MAP3K15: variants seen among roughly 807,000 people sequenced by gnomAD.
MAP3K15 encodes the protein mitogen-activated protein kinase kinase kinase 15.
A neutral mutation model predicts 99.5 loss-of-function variants in MAP3K15; 124 were observed. The ratio of observed to expected loss-of-function variants is 1.25; its 90% CI spans 1.08 to 1.45. The LOEUF (loss-of-function observed/expected upper bound fraction) is 1.45, where lower values mean the gene tolerates loss of function less well. MAP3K15 is among the 40% of genes most tolerant of loss of function. The probability of loss-of-function intolerance (pLI) is 0.00; values close to 1 mark genes in which losing one functional copy is unlikely to be tolerated. For synonymous variants in MAP3K15, 494 were observed against 439.6 expected (o/e 1.12, Z -1.55); for missense variants, 1,242 against 1,079.7 (o/e 1.15, Z -2.11).
chrX:19,423,830 G>A (rs771481243), intron 9 of MAP3K15, among the ~76,000 whole-genome samples: 3 of 111,779 alleles, frequency 2.7e-5, no homozygotes, highest in Non-Finnish European at 5.6e-5. Context: ...GGGCCACACT[G>A]TATCAGTTCG....
chrX:19,415,718 T>TAA (rs758416992), intron 9 of MAP3K15, among the ~76,000 whole-genome samples: 68 of 103,855 alleles, frequency 6.5e-4, no homozygotes, highest in Non-Finnish European at 1.1e-3. Flanking sequence ...CCTAGAAATA[T>TAA]AAAAAAAAAA....
intron 3 of MAP3K15, among the ~76,000 whole-genome samples, chrX:19,475,351 A>C (rs1412561111): frequency 3.6e-5 from 4 of 111,286 alleles, no homozygotes; most frequent in African/African-American, 1.3e-4. Context: ...GAGCAGCTAT[A>C]AATACAGATG....
intron 18 of MAP3K15, among the ~76,000 whole-genome samples, chrX:19,384,788 T>G (rs1477477196): frequency 1.0e-5 from 1 of 99,416 alleles, no homozygotes; most frequent in South Asian, 4.7e-4. Flanking sequence ...AAACTGTACA[T>G]TTTAAAAAAC....
At chrX:19,513,421 G>A (rs1239005874) in intron 1 of MAP3K15, among the ~76,000 whole-genome samples, 2 of 112,131 alleles carry the variant, frequency 1.8e-5, no homozygotes, top group Non-Finnish European at 3.8e-5. Context: ...AGAAAACGGA[G>A]TGGTTCTAGG....
chrX:19,388,143 A>G (rs138597999), intron 18 of MAP3K15, among the ~76,000 whole-genome samples: 3,055 of 111,478 alleles, frequency 0.027, 115 homozygotes, highest in African/African-American at 0.096. Context: ...CAGAGCGTTG[A>G]TCAGTATCAG....
chrX:19,365,952 AGCCAAGAATGT>A (rs1341676716), intron 25 of MAP3K15, among the ~76,000 whole-genome samples: 1 of 99,265 alleles, frequency 1.0e-5, no homozygotes, highest in Non-Finnish European at 2.0e-5. Flanking sequence ...GGTTGCAGTG[AGCCAAGAATGT>A]GCCACTGCAC....
chrX:19,455,330 G>T (rs2064084095), intron 6 of MAP3K15, among the ~76,000 whole-genome samples: 1 of 105,184 alleles, frequency 9.5e-6, no homozygotes, highest in African/African-American at 3.6e-5. Flanking sequence ...AATTTTCTAT[G>T]TCTTTTTTTC....
intron 3 of MAP3K15, 88 bp downstream of exon 3, chrX:19,486,394 C>A: frequency 2.6e-6 from 1 of 389,604 alleles, no homozygotes; most frequent in East Asian, 4.9e-5. Flanking sequence ...AGTCATCTTG[C>A]TACCTGGGCG....
intron 13 of MAP3K15, among the ~76,000 whole-genome samples, chrX:19,402,656 T>C (rs2063616944): frequency 9.0e-6 from 1 of 110,733 alleles, no homozygotes; most frequent in African/African-American, 3.3e-5. Context: ...TACTTCACAG[T>C]TGGATTTCAT....
At chrX:19,400,101 C>T (rs2063597274) in intron 14 of MAP3K15, among the ~76,000 whole-genome samples, 1 of 112,161 alleles carries the variant, frequency 8.9e-6, no homozygotes, top group Non-Finnish European at 1.9e-5. Flanking sequence ...GATTTAAACA[C>T]CTGTACAATG....
intron 13 of MAP3K15, among the ~76,000 whole-genome samples, chrX:19,403,016 T>C (rs1034418482): frequency 7.2e-5 from 8 of 111,295 alleles, no homozygotes; most frequent in Admixed American, 5.8e-4. Context: ...ACAAACTACA[T>C]GATTCTGTTT....
intron 1 of MAP3K15, among the ~76,000 whole-genome samples, chrX:19,493,943 A>G (rs958655858): frequency 9.0e-6 from 1 of 111,267 alleles, no homozygotes; most frequent in Non-Finnish European, 1.9e-5. Context: ...ACAAATTTAT[A>G]TATCAGGCTA....
At chrX:19,498,353 G>A (rs1222666636) in intron 1 of MAP3K15, among the ~76,000 whole-genome samples, 3 of 111,152 alleles carry the variant, frequency 2.7e-5, no homozygotes. Context: ...CACTTACTAA[G>A]TTCAAGGCAC....
chrX:19,427,332 T>G (rs894150324), intron 7 of MAP3K15, among the ~76,000 whole-genome samples: 7 of 111,331 alleles, frequency 6.3e-5, no homozygotes, highest in African/African-American at 2.0e-4. Flanking sequence ...AAAGTTGGAT[T>G]CCAATTATGC....
At chrX:19,468,010 A>C (rs2064180454) in intron 3 of MAP3K15, among the ~76,000 whole-genome samples, 1 of 111,348 alleles carries the variant, frequency 9.0e-6, no homozygotes, top group South Asian at 3.8e-4. Context: ...ACCCCAAGAG[A>C]AACAGACTGC....
At chrX:19,391,674 CAAAAAAA>C (rs759061873) in intron 18 of MAP3K15, among the ~76,000 whole-genome samples, 2 of 28,515 alleles carry the variant, frequency 7.0e-5, no homozygotes, top group Non-Finnish European at 1.4e-4. Context: ...GACCCCGTCT[CAAAAAAA>C]AAAAAAAAAA....
intron 9 of MAP3K15, 45 bp from the exon 10 acceptor site, chrX:19,415,302 T>A (rs775861876): frequency 5.6e-6 from 6 of 1,074,132 alleles, no homozygotes; most frequent in Non-Finnish European, 7.3e-6. Flanking sequence ...CTAAAGAAAC[T>A]GAATTCAATT....
Position 19,488,982 on chromosome X carries a change from G to A in MAP3K15, c.362-15C>T, listed in dbSNP as rs182940689. On this transcript the variant is annotated splice_polypyrimidine_tract_variant and intron_variant, in intron 1 of 28. Coordinates refer to ENST00000338883, the MANE Select transcript of MAP3K15 (RefSeq NM_001001671.4). ...CACAGCAACATCTGCAATGAACAAGGAGAGGACAGGATTAGGGGAGATGAT... is the reference window on the plus strand; with the variant it reads ...CACAGCAACATCTGCAATGAACAAGAAGAGGACAGGATTAGGGGAGATGAT... The A allele has an allele frequency of 8.4e-6, 10 of 1,192,143 alleles. No individual in the cohort carries two copies. The highest frequency in any genetic ancestry group is 7.1e-5 in the African/African-American group (4 of 56,689).
In MAP3K15 at chrX:19,395,691, T is replaced by C. The variant is rs772806449; in HGVS notation, c.2067-483A>G. Among the ~76,000 whole-genome samples the C allele has an allele frequency of 2.7e-5, 3 of 111,414 alleles. No individual in the cohort carries two copies. In the East Asian group the frequency reaches 8.5e-4, roughly 32 times the overall value. ...CCCAGCCTCTGGCCTTTTTAATCCA[T>C]TCCCCAACCTTGGCCATTATACTAC... On this transcript the variant is annotated intron_variant, in intron 15 of 28. Coordinates refer to ENST00000338883, the MANE Select transcript of MAP3K15 (RefSeq NM_001001671.4).
Sources: allele counts gnomAD v4.1 joint callset (sites outside exome capture counted in the v4.1 genomes callset), GRCh38; gene constraint gnomAD v4.1.1; transcripts MANE v1.5; gene names NCBI Gene and HGNC (gene_info 2026-07-23, HGNC 2026-07-21).